Variants in PCMT1 observed in about 807,000 individuals in gnomAD.
The protein encoded by PCMT1 is protein-L-isoaspartate (D-aspartate) O-methyltransferase, also known as protein-L-isoaspartate(D-aspartate) O-methyltransferase.
PCMT1 carries 9 observed loss-of-function variants against 29.2 expected under a neutral mutation model. That is an observed-to-expected ratio of 0.31 (90% CI 0.19 to 0.54). The LOEUF is 0.54. Among genes scored for constraint, PCMT1 ranks in the 20% least tolerant of loss-of-function variants. PCMT1 has a pLI of 0.95. For synonymous variants in PCMT1, 98 were observed against 97.5 expected, an observed-to-expected ratio of 1.00 and a Z score of -0.03; for missense variants, 184 against 282.2, an observed-to-expected ratio of 0.65 and a Z score of 2.49.
At chr6:149,777,553 G>A (rs1787620692) in intron 3 of PCMT1, among the ~76,000 whole-genome samples, 1 of 152,112 alleles carries the variant, frequency 6.6e-6, no homozygotes. Flanking sequence ...GGAAAAATAA[G>A]AATGAAACAG....
intron 1 of PCMT1, among the ~76,000 whole-genome samples, chr6:149,769,680 T>C (rs9765929): frequency 0.53 from 80,617 of 150,884 alleles, 24,673 homozygotes; most frequent in East Asian, 0.83. Flanking sequence ...CTCACTATAA[T>C]CTCAAACTCC....
chr6:149,773,167 A>G lies in PCMT1; in HGVS notation c.190A>G (p.Met64Val). 2 of 1,609,242 alleles carry G rather than the reference A, an allele frequency of 1.2e-6. No homozygotes were observed. Among genetic ancestry groups the G allele is most frequent in the Non-Finnish European group, 1.7e-6 (2 of 1,176,234 alleles). The change falls in exon 3 of 8, where the codon ATG becomes GTG. Residue 64 changes from methionine to valine, a missense_variant and splice_region_variant. By Grantham distance (21) the Met-to-Val change is conservative. Transcript: ENST00000464889. ...GFQATISAPHMHAYALELLFD... is the reference protein window; with the variant it reads ...GFQATISAPHVHAYALELLFD... ...CCAAGCAACAATCAGTGCTCCACAC[A>G]TGGTAAGTTAAGTTTGTTCACTTGG...
At chr6:149,786,643 C>T (rs1256538415) in intron 3 of PCMT1, among the ~76,000 whole-genome samples, 1 of 148,282 alleles carries the variant, frequency 6.7e-6, no homozygotes, top group Non-Finnish European at 1.5e-5. Flanking sequence ...GACGGGGTCG[C>T]GGCCGGGCAG....
At chr6:149,774,767 C>CA (rs1385399325) in intron 3 of PCMT1, among the ~76,000 whole-genome samples, 13 of 141,530 alleles carry the variant, frequency 9.2e-5, no homozygotes, top group Admixed American at 8.0e-4. Context: ...AGTGCAGTGG[C>CA]GCCATCTTGG....
At position 149,763,230 on chromosome 6, in the gene PCMT1, CTA is replaced by C. The variant is rs1385114861; in HGVS notation, c.56-7930_56-7929del. Among the ~76,000 whole-genome samples, 3 of 52,326 alleles carry C rather than the reference CTA, an allele frequency of 5.7e-5. 1 individual carries two copies. Among genetic ancestry groups the C allele is most frequent in the Non-Finnish European group, 8.5e-5 (3 of 35,496 alleles). The allele number at this position is 52,326 out of a possible 152,430, so 34.3% of individuals were successfully genotyped here. ...TCTATGATATCTATGATATAAATAT[CTA>C]TGATATCTATGATATATATATCTAT... On this transcript the variant is annotated intron_variant, in intron 1 of 7. Coordinates refer to ENST00000464889, the MANE Select transcript of PCMT1 (RefSeq NM_001360452.2).
chr6:149,749,856 C>T lies in PCMT1; in HGVS notation c.-46C>T, dbSNP rs747007371. On this transcript the variant is annotated 5_prime_UTR_variant, in exon 1 of 8. Coordinates refer to ENST00000464889, the MANE Select transcript of PCMT1 (RefSeq NM_001360452.2). ...TCTTGGGAAAACTGCTGGGCACCGTCGTCGCGCTGAAGGTGGTTCTGTACC... is the reference window on the plus strand; with the variant it reads ...TCTTGGGAAAACTGCTGGGCACCGTTGTCGCGCTGAAGGTGGTTCTGTACC... The T allele has an allele frequency of 5.7e-6, 9 of 1,591,042 alleles. No homozygotes were observed. In the South Asian group the frequency reaches 9.1e-5, roughly 16 times the overall value.
At position 149,765,979 on chromosome 6, in the gene PCMT1, A is replaced by ATT. The variant is rs769429471; in HGVS notation, c.56-5183_56-5182insTT. On this transcript the variant is annotated intron_variant, in intron 1 of 7. Transcript: ENST00000464889. The stretch of plus-strand genomic sequence containing the variant: ...GAAACTCTGTCTCAAAAAAAAAATA[A>ATT]ATTTTTTTTTTTTTTTACTATCTGG... Among the ~76,000 whole-genome samples the ATT allele has an allele frequency of 8.6e-4, 100 of 116,636 alleles. 1 individual carries two copies. The East Asian group carries it at 0.022, about 26-fold the overall frequency. 76.5% of individuals were successfully genotyped at this position (116,636 alleles called of 152,430 possible).
intron 3 of PCMT1, among the ~76,000 whole-genome samples, chr6:149,775,998 A>G (rs1787548682): frequency 6.6e-6 from 1 of 151,916 alleles, no homozygotes; most frequent in Non-Finnish European, 1.5e-5. Context: ...TGTCTCTACT[A>G]AAAATACAAA....
At chr6:149,780,844 T>TTC (rs1356092161) in intron 3 of PCMT1, among the ~76,000 whole-genome samples, 3 of 152,174 alleles carry the variant, frequency 2.0e-5, no homozygotes, top group African/African-American at 7.2e-5. Flanking sequence ...GTGTTTTCAT[T>TTC]TCTCTCGAGT....
chr6:149,767,710 T>A (rs1697911103), intron 1 of PCMT1, among the ~76,000 whole-genome samples: 1 of 151,850 alleles, frequency 6.6e-6, no homozygotes, highest in African/African-American at 2.4e-5. Context: ...CACCTTGGCT[T>A]TCTAAATTGC....
At chr6:149,769,840 C>T (rs923726102) in intron 1 of PCMT1, among the ~76,000 whole-genome samples, 35 of 147,090 alleles carry the variant, frequency 2.4e-4, no homozygotes, top group South Asian at 4.3e-4. Flanking sequence ...TCAAGCTATC[C>T]TCCCTGTTGG....
chr6:149,769,627 C>T (rs953775837), intron 1 of PCMT1, among the ~76,000 whole-genome samples: 1 of 151,554 alleles, frequency 6.6e-6, no homozygotes, highest in African/African-American at 2.4e-5. Flanking sequence ...AGACAGGGGT[C>T]ATGCTTTCTC....
intron 3 of PCMT1, 26 bp from the exon 4 acceptor site, chr6:149,789,928 A>C (rs758649133): frequency 6.7e-7 from 1 of 1,486,062 alleles, no homozygotes; most frequent in South Asian, 1.2e-5. Flanking sequence ...TTTAGTCTTA[A>C]TGAATATTTT....
At chr6:149,767,052 T>C (rs1787114381) in intron 1 of PCMT1, among the ~76,000 whole-genome samples, 1 of 151,962 alleles carries the variant, frequency 6.6e-6, no homozygotes, top group Non-Finnish European at 1.5e-5. Context: ...CTGCTAAAAA[T>C]ACCAAACTTA....
In PCMT1 at chr6:149,805,437, CA is replaced by C. The variant is rs936232240; in HGVS notation, c.*37+3028del. Among the ~76,000 whole-genome samples the C allele has an allele frequency of 2.0e-5, 3 of 150,488 alleles. No homozygotes were observed. The South Asian group carries it at 6.3e-4, about 32-fold the overall frequency. ...CGAAACCCCGTCTCTCCTAAAAATA[CA>C]AAAAAATTAGCCGGGCGTGGTGGCA... On this transcript the variant is annotated intron_variant, in intron 7 of 7. Transcript: ENST00000464889.
At chr6:149,787,096 C>T (rs1788137339) in intron 3 of PCMT1, among the ~76,000 whole-genome samples, 1 of 141,518 alleles carries the variant, frequency 7.1e-6, no homozygotes, top group Non-Finnish European at 1.5e-5. Flanking sequence ...GCCAACACAG[C>T]GAAACCCCGT....
intron 3 of PCMT1, among the ~76,000 whole-genome samples, chr6:149,783,613 G>A (rs980148803): frequency 1.4e-4 from 21 of 152,102 alleles, no homozygotes; most frequent in Admixed American, 3.3e-4. Context: ...CTTGCTAGAC[G>A]TCTTTGATCT....
chr6:149,796,160 GA>G (rs1788604268), intron 5 of PCMT1: 1 of 305,706 alleles, frequency 3.3e-6, no homozygotes, highest in African/African-American at 2.2e-5. Flanking sequence ...ATAGGAAAAT[GA>G]AGCGCTTTTC....
intron 3 of PCMT1, among the ~76,000 whole-genome samples, chr6:149,775,396 T>C (rs1016822833): frequency 2.0e-5 from 3 of 152,136 alleles, no homozygotes; most frequent in African/African-American, 7.2e-5. Flanking sequence ...AAAAATGTTA[T>C]AAGCAAAAAT....
Sources: gnomAD v4.1 joint callset for allele counts (sites outside exome capture counted in the v4.1 genomes callset) on GRCh38, gnomAD v4.1.1 for gene constraint, MANE v1.5 for transcripts, NCBI Gene and HGNC (gene_info 2026-07-23, HGNC 2026-07-21) for gene names.